The following RECK variants were observed in gnomAD, a reference collection of about 807,000 sequenced individuals.
RECK encodes the protein reversion-inducing cysteine-rich protein with Kazal motifs.
In RECK, 69 loss-of-function variants were observed where a neutral mutation model predicts 115.1. The ratio of observed to expected loss-of-function variants is 0.60; its 90% CI spans 0.49 to 0.73. The LOEUF (loss-of-function observed/expected upper bound fraction) is 0.73, where lower values mean the gene tolerates loss of function less well. Among genes scored for constraint, RECK ranks in the 30% least tolerant of loss-of-function variants. The probability of loss-of-function intolerance (pLI) is 0.00; values close to 1 mark genes in which losing one functional copy is unlikely to be tolerated. For synonymous variants in RECK, 414 were observed against 419.7 expected, an observed-to-expected ratio of 0.99 and a Z score of 0.17; for missense variants, 1,047 against 1,203.7, an observed-to-expected ratio of 0.87 and a Z score of 1.93.
In RECK at chr9:36,104,297, T is replaced by TGC. The variant is rs1564130739; in HGVS notation, c.1436-846_1436-845insGC. Among the ~76,000 whole-genome samples, 428 of 56,018 alleles carry TGC rather than the reference T, an allele frequency of 7.6e-3. 20 individuals are homozygous for TGC. Among genetic ancestry groups the TGC allele is most frequent in the African/African-American group, 0.032 (295 of 9,090 alleles). The allele number at this position is 56,018 out of a possible 152,430, so 36.7% of individuals were successfully genotyped here. A position where few individuals can be genotyped will look rare whatever the true frequency, so the allele number is the denominator to read the frequency against. On this transcript the variant is annotated intron_variant, in intron 12 of 20. Transcript: ENST00000377966. ...TAGCATGTGTGTGTGTGTGTGTATA[T>TGC]ATATATATATATATATATATATATA...
chr9:36,086,029 A>T (rs1214966555), intron 8 of RECK: 1 of 152,172 alleles, frequency 6.6e-6, no homozygotes, highest in Non-Finnish European at 1.5e-5. Flanking sequence ...GCCAATACAG[A>T]GGAATCTGGA....
chr9:36,098,553 T>G (rs1183291284), intron 10 of RECK, among the ~76,000 whole-genome samples: 1 of 152,106 alleles, frequency 6.6e-6, no homozygotes, highest in Admixed American at 6.5e-5. Flanking sequence ...GATTTGGAGC[T>G]TTTTTTCAGT....
chr9:36,101,169 C>T (rs7856473), intron 11 of RECK, among the ~76,000 whole-genome samples: 3,853 of 152,096 alleles, frequency 0.025, 176 homozygotes, highest in African/African-American at 0.086. Flanking sequence ...GCCAGGATGG[C>T]CTCAATCTCT....
intron 4 of RECK, among the ~76,000 whole-genome samples, 167 bp downstream of exon 4, chr9:36,060,322 G>T (rs1412732562): frequency 6.6e-6 from 1 of 151,002 alleles, no homozygotes; most frequent in Non-Finnish European, 1.5e-5. Context: ...TTACTGTGTT[G>T]CCCAGGCTGG....
At chr9:36,100,565 G>A in intron 11 of RECK, 22 bp downstream of exon 11, 4 of 1,574,168 alleles carry the variant, frequency 2.5e-6, no homozygotes, top group Non-Finnish European at 2.6e-6. Context: ...TCATCCTAAC[G>A]ATTCTCCAGC....
intron 6 of RECK, among the ~76,000 whole-genome samples, chr9:36,079,693 A>C (rs1396656584): frequency 2.0e-5 from 3 of 152,216 alleles, no homozygotes; most frequent in African/African-American, 7.2e-5. Context: ...TCGTTTCAAC[A>C]ATAAGGGTGT....
At chr9:36,112,035 A>C (rs377128400) in intron 15 of RECK, among the ~76,000 whole-genome samples, 134 of 147,220 alleles carry the variant, frequency 9.1e-4, no homozygotes, top group East Asian at 6.9e-3. Flanking sequence ...AGGCAGGAGA[A>C]TGGCGTGAAC....
intron 15 of RECK, among the ~76,000 whole-genome samples, chr9:36,110,712 C>A (rs1824007755): frequency 6.6e-6 from 1 of 151,644 alleles, no homozygotes; most frequent in Admixed American, 6.6e-5. Context: ...TAAAAAGTTA[C>A]TAGGTAGCTG....
intron 2 of RECK, among the ~76,000 whole-genome samples, chr9:36,057,325 C>CT (rs1189391159): frequency 1.3e-5 from 2 of 152,028 alleles, no homozygotes; most frequent in Non-Finnish European, 2.9e-5. Context: ...ATAAACTTAT[C>CT]TTTTTTTTCT....
chr9:36,079,409 T>A (rs188046571), intron 6 of RECK, among the ~76,000 whole-genome samples: 4 of 152,346 alleles, frequency 2.6e-5, no homozygotes, highest in Admixed American at 1.3e-4. Context: ...TGATGGAGTC[T>A]CTAGCAGAAA....
At chr9:36,107,013 G>A (rs1823844818) in intron 13 of RECK, among the ~76,000 whole-genome samples, 1 of 150,530 alleles carries the variant, frequency 6.6e-6, no homozygotes, top group African/African-American at 2.5e-5. Flanking sequence ...GACTGAGGCA[G>A]GAGAATGGCG....
intron 1 of RECK, among the ~76,000 whole-genome samples, chr9:36,047,192 C>T (rs752500096): frequency 1.3e-5 from 2 of 152,198 alleles, no homozygotes; most frequent in Non-Finnish European, 2.9e-5. Flanking sequence ...TTCAAAAGAG[C>T]ACATCAGTGT....
At chr9:36,087,672 C>T in intron 8 of RECK, 22 bp from the exon 9 acceptor site, 1 of 1,598,922 alleles carries the variant, frequency 6.3e-7, no homozygotes, top group South Asian at 1.1e-5. Flanking sequence ...CTAATTAAGC[C>T]ACTTATATTC....
intron 12 of RECK, 25 bp from the exon 13 acceptor site, chr9:36,105,118 A>G: frequency 6.2e-7 from 1 of 1,607,978 alleles, no homozygotes; most frequent in Non-Finnish European, 8.5e-7. Flanking sequence ...AGGTTGGTTA[A>G]ACTAATCTGT....
intron 17 of RECK, among the ~76,000 whole-genome samples, chr9:36,118,367 G>A (rs1233558475): frequency 6.6e-6 from 1 of 152,088 alleles, no homozygotes; most frequent in African/African-American, 2.4e-5. Flanking sequence ...CCCATACCCA[G>A]CATGAAATGA....
intron 4 of RECK, among the ~76,000 whole-genome samples, chr9:36,063,306 C>T (rs1000707467): frequency 2.0e-5 from 3 of 152,034 alleles, no homozygotes; most frequent in Admixed American, 2.0e-4. Context: ...AAAAATTGCC[C>T]CTATTTACTA....
At chr9:36,104,929 C>T (rs1823741864) in intron 12 of RECK, among the ~76,000 whole-genome samples, 1 of 151,850 alleles carries the variant, frequency 6.6e-6, no homozygotes, top group Non-Finnish European at 1.5e-5. Context: ...TATTGTAGAT[C>T]CCAATAAATT....
chr9:36,100,132 GA>G (rs1478314954), intron 10 of RECK, among the ~76,000 whole-genome samples, 198 bp from the exon 11 acceptor site: 3 of 152,174 alleles, frequency 2.0e-5, no homozygotes, highest in Non-Finnish European at 2.9e-5. Context: ...CTGTTAAAAA[GA>G]AAACATGCAA....
At chr9:36,057,588 C>T (rs540324355) in intron 2 of RECK, among the ~76,000 whole-genome samples, 9 of 152,324 alleles carry the variant, frequency 5.9e-5, no homozygotes, top group African/African-American at 1.9e-4. Flanking sequence ...GAGGCTGAGG[C>T]GGGCGGATCG....
Sources: gnomAD v4.1 joint callset for allele counts (sites outside exome capture counted in the v4.1 genomes callset) on GRCh38, gnomAD v4.1.1 for gene constraint, MANE v1.5 for transcripts, NCBI Gene and HGNC (gene_info 2026-07-23, HGNC 2026-07-21) for gene names.